The following ASCC3 variants were observed in gnomAD, a reference collection of about 807,000 sequenced individuals.
The protein encoded by ASCC3 is activating signal cointegrator 1 complex subunit 3, also known as ASC-1 complex subunit P200.
Under a neutral mutation model 256.3 loss-of-function variants are expected in ASCC3, and 158 were observed. The observed-to-expected ratio is 0.62, with a 90% confidence interval of 0.54 to 0.70. The LOEUF (loss-of-function observed/expected upper bound fraction) is 0.70, where lower values mean the gene tolerates loss of function less well. ASCC3 is among the 30% of genes least tolerant of loss of function. The pLI is 0.00. For missense variants in ASCC3, 2,259 were observed against 2,626.0 expected, an observed-to-expected ratio of 0.86 and a Z score of 3.05; for synonymous variants, 948 against 883.4, an observed-to-expected ratio of 1.07 and a Z score of -1.30.
At chr6:100,871,195 A>C (rs1773724192) in intron 1 of ASCC3, among the ~76,000 whole-genome samples, 1 of 151,660 alleles carries the variant, frequency 6.6e-6, no homozygotes, top group Non-Finnish European at 1.5e-5. Flanking sequence ...TCCCAGATTC[A>C]AGCAATTCTC....
intron 10 of ASCC3, among the ~76,000 whole-genome samples, chr6:100,751,973 C>T (rs1780964484): frequency 6.6e-6 from 1 of 152,080 alleles, no homozygotes; most frequent in African/African-American, 2.4e-5. Flanking sequence ...TTTACCATAG[C>T]ATCTATTGGA....
At chr6:100,879,221 C>G (rs1769158457) in intron 1 of ASCC3, among the ~76,000 whole-genome samples, 1 of 152,184 alleles carries the variant, frequency 6.6e-6, no homozygotes, top group Non-Finnish European at 1.5e-5. Flanking sequence ...GGGCACACCA[C>G]CTCAAGGAAT....
At chr6:100,532,025 T>C (rs1672083196) in intron 37 of ASCC3, among the ~76,000 whole-genome samples, 1 of 151,804 alleles carries the variant, frequency 6.6e-6, no homozygotes, top group Admixed American at 6.6e-5. Flanking sequence ...GGAACACAAA[T>C]GAAATTCTCT....
At chr6:100,729,785 T>C (rs947125048) in intron 10 of ASCC3, among the ~76,000 whole-genome samples, 4 of 152,202 alleles carry the variant, frequency 2.6e-5, no homozygotes, top group Non-Finnish European at 5.9e-5. Context: ...GATAAAAGTA[T>C]ACTTTCTTGT....
chr6:100,648,242 C>T (rs558229267), intron 20 of ASCC3, among the ~76,000 whole-genome samples: 39 of 152,204 alleles, frequency 2.6e-4, no homozygotes, highest in African/African-American at 9.1e-4. Context: ...TCTTTTTCTT[C>T]ACATTTCTAC....
intron 25 of ASCC3, among the ~76,000 whole-genome samples, chr6:100,634,280 G>C (rs1044463493): frequency 4.7e-4 from 71 of 152,184 alleles, no homozygotes; most frequent in African/African-American, 1.6e-3. Context: ...CTAGCTATGT[G>C]AAACCACATT....
intron 25 of ASCC3, among the ~76,000 whole-genome samples, chr6:100,637,936 T>C (rs1222828111): frequency 6.6e-6 from 1 of 152,138 alleles, no homozygotes; most frequent in Non-Finnish European, 1.5e-5. Flanking sequence ...ATTGCTGAAA[T>C]GACAAAAAGG....
chr6:100,534,611 G>A (rs996359155), intron 37 of ASCC3, among the ~76,000 whole-genome samples: 1 of 152,148 alleles, frequency 6.6e-6, no homozygotes, highest in Admixed American at 6.5e-5. Context: ...TTTAAAAATT[G>A]AGATATGCAT....
chr6:100,525,156 CAAAAAAAA>C (rs57882047), intron 37 of ASCC3, among the ~76,000 whole-genome samples: 11 of 44,950 alleles, frequency 2.4e-4, no homozygotes, highest in Non-Finnish European at 3.1e-4. Context: ...GACCCTGTCT[CAAAAAAAA>C]AAAAAAAAAA....
chr6:100,602,213 T>C (rs184840130), intron 33 of ASCC3, among the ~76,000 whole-genome samples: 2 of 152,170 alleles, frequency 1.3e-5, no homozygotes, highest in African/African-American at 4.8e-5. Context: ...AGTACATATA[T>C]GTGTTCTCAT....
At chr6:100,808,324 C>T (rs1200775102) in intron 4 of ASCC3, among the ~76,000 whole-genome samples, 2 of 151,822 alleles carry the variant, frequency 1.3e-5, no homozygotes, top group South Asian at 2.1e-4. Context: ...TAGATTTTCA[C>T]AAAACCTAGC....
intron 20 of ASCC3, 90 bp downstream of exon 20, chr6:100,650,448 G>T: frequency 7.7e-7 from 1 of 1,293,212 alleles, no homozygotes; most frequent in Non-Finnish European, 1.1e-6. Context: ...ATGTCACAAA[G>T]CAATGCATTC....
chr6:100,800,135 T>C (rs965467077), intron 6 of ASCC3, among the ~76,000 whole-genome samples, 165 bp downstream of exon 6: 2 of 152,064 alleles, frequency 1.3e-5, no homozygotes, highest in Non-Finnish European at 2.9e-5. Flanking sequence ...AGACCATTGC[T>C]TTCTTATCCC....
rs767808337 is a variant in ASCC3 at position 100,509,466 on chromosome 6, G to C, written c.6529C>G (p.Leu2177Val). 1 of 1,614,128 alleles carries C rather than the reference G, an allele frequency of 6.2e-7. No individual in the cohort carries two copies. Among genetic ancestry groups the C allele is most frequent in the Non-Finnish European group, 8.5e-7 (1 of 1,179,966 alleles). The change falls in exon 42 of 42, where the codon CTC becomes GTC. Residue 2177 changes from leucine to valine, a missense_variant. This residue lies in a region of ASCC3 where 1,839 missense variants were observed against 2,206.7 expected (regional missense o/e 0.83). Transcript: ENST00000369162. The part of the protein sequence containing the change: ...LGLDQQYDIY[L>V]NVTQASLSAQ... ...GAAAGACTCGCTTGTGTAACGTTGA[G>C]ATAGATGTCATACTGCTGGTCCAGG...
At chr6:100,627,196 C>T (rs1774284009) in intron 29 of ASCC3, among the ~76,000 whole-genome samples, 1 of 152,020 alleles carries the variant, frequency 6.6e-6, no homozygotes, top group Non-Finnish European at 1.5e-5. Context: ...AAACTAAAAA[C>T]AGAAGCACTG....
At chr6:100,553,647 A>G (rs1769416023) in intron 36 of ASCC3, among the ~76,000 whole-genome samples, 1 of 152,128 alleles carries the variant, frequency 6.6e-6, no homozygotes, top group African/African-American at 2.4e-5. Flanking sequence ...GTGATCGACA[A>G]CCTATGATGA....
intron 36 of ASCC3, among the ~76,000 whole-genome samples, chr6:100,582,309 G>T (rs1771332592): frequency 6.6e-6 from 1 of 152,074 alleles, no homozygotes; most frequent in African/African-American, 2.4e-5. Context: ...CACGTCCCTT[G>T]TAAGTTGGAT....
intron 8 of ASCC3, among the ~76,000 whole-genome samples, chr6:100,783,649 T>C (rs1191099672): frequency 6.6e-6 from 1 of 152,124 alleles, no homozygotes; most frequent in Non-Finnish European, 1.5e-5. Flanking sequence ...CCAGAGAAGA[T>C]CTTACATACT....
intron 5 of ASCC3, among the ~76,000 whole-genome samples, chr6:100,804,048 TA>T (rs1190705760): frequency 6.6e-6 from 1 of 152,154 alleles, no homozygotes; most frequent in Non-Finnish European, 1.5e-5. Context: ...TTTATAAAAA[TA>T]AGTTTTGTTC....
Sources: allele counts gnomAD v4.1 joint callset (sites outside exome capture counted in the v4.1 genomes callset), GRCh38; gene constraint gnomAD v4.1.1; regional missense constraint gnomAD v4.1.1; transcripts MANE v1.5; gene names NCBI Gene and HGNC (gene_info 2026-07-23, HGNC 2026-07-21).